LIN52: variants seen among roughly 807,000 people sequenced by gnomAD.
LIN52 encodes protein lin-52 homolog.
A neutral mutation model predicts 18.5 loss-of-function variants in LIN52; 4 were observed. That is an observed-to-expected ratio of 0.22 (90% CI 0.11 to 0.49). The LOEUF (loss-of-function observed/expected upper bound fraction) is 0.49. Ranked by LOEUF, LIN52 falls within the 20% of genes least tolerant of loss-of-function variation. LIN52 has a pLI of 0.97. For missense variants in LIN52, 102 were observed against 139.5 expected, an observed-to-expected ratio of 0.73 and a Z score of 1.35; for synonymous variants, 34 against 45.5, an observed-to-expected ratio of 0.75 and a Z score of 1.02.
At chr14:74,087,062 T>C (rs1020838095) in intron 1 of LIN52, among the ~76,000 whole-genome samples, 4 of 152,188 alleles carry the variant, frequency 2.6e-5, no homozygotes, top group Non-Finnish European at 5.9e-5. Context: ...TTGAGTTTGA[T>C]TTTTTTCCCC....
At chr14:74,085,195 T>C in intron 1 of LIN52, 1 of 417,858 alleles carries the variant, frequency 2.4e-6, no homozygotes, top group Non-Finnish European at 4.1e-6. Context: ...TTCCCCGCTC[T>C]GTACCAGGCG....
intron 5 of LIN52, among the ~76,000 whole-genome samples, chr14:74,147,127 G>A (rs747396563): frequency 5.3e-5 from 8 of 151,976 alleles, no homozygotes; most frequent in Admixed American, 1.3e-4. Flanking sequence ...GCATGACAAC[G>A]CACCCCTGTA....
intron 2 of LIN52, among the ~76,000 whole-genome samples, chr14:74,094,263 T>G (rs7147667): frequency 0.17 from 26,100 of 151,614 alleles, 2,741 homozygotes; most frequent in East Asian, 0.58. Flanking sequence ...TTGTAGTTTT[T>G]TTTTTTTTTT....
At chr14:74,128,185 C>G (rs2061038807) in intron 5 of LIN52, among the ~76,000 whole-genome samples, 1 of 152,102 alleles carries the variant, frequency 6.6e-6, no homozygotes, top group Non-Finnish European at 1.5e-5. Flanking sequence ...GAAAGAATTT[C>G]CAGGCTGTGG....
intron 5 of LIN52, among the ~76,000 whole-genome samples, chr14:74,126,240 G>A (rs568499626): frequency 1.3e-5 from 2 of 152,232 alleles, no homozygotes; most frequent in African/African-American, 4.8e-5. Flanking sequence ...AAAGTAACAG[G>A]TATTGGCAAG....
intron 5 of LIN52, among the ~76,000 whole-genome samples, chr14:74,143,125 A>T (rs771356638): frequency 3.2e-4 from 49 of 152,188 alleles, no homozygotes; most frequent in Non-Finnish European, 5.0e-4. Flanking sequence ...ATAGGAAAAT[A>T]GTTTATAGTA....
At position 74,095,985 on chromosome 14, in the gene LIN52, TGTAA is replaced by T; in HGVS notation, c.132+5_132+8del. 1 of 1,607,440 alleles carries T rather than the reference TGTAA, an allele frequency of 6.2e-7. No homozygotes were observed. The highest frequency in any genetic ancestry group is 8.5e-7 in the Non-Finnish European group (1 of 1,175,754). ...CTGAATTTGCAGCTTCCTTCAAAAG[TGTAA>T]GTAATATCCCTTACCTACTGAGGTC... On this transcript the variant is annotated splice_donor_variant and splice_donor_region_variant and intron_variant, in intron 3 of 5. Coordinates refer to ENST00000555028, the MANE Select transcript of LIN52 (RefSeq NM_001024674.3). LOFTEE classifies it high-confidence loss of function.
chr14:74,175,743 CACACACA>C lies in LIN52; in HGVS notation c.284-23178_284-23172del, dbSNP rs1566867471. Among the ~76,000 whole-genome samples, 63 of 142,512 alleles carry C rather than the reference CACACACA, an allele frequency of 4.4e-4. 1 individual carries two copies. The highest frequency in any genetic ancestry group is 7.5e-4 in the Admixed American group (11 of 14,608). The allele number at this position is 142,512 out of a possible 152,430, so 93.5% of individuals were successfully genotyped here. ...ACACACACACACACACACACACACACACACACACCCCCATTATACAGCTATACCAAAA... is the reference window on the plus strand; with the variant it reads ...ACACACACACACACACACACACACACCCCCCATTATACAGCTATACCAAAA... On this transcript the variant is annotated intron_variant, in intron 5 of 5. Coordinates refer to ENST00000555028, the MANE Select transcript of LIN52 (RefSeq NM_001024674.3).
In LIN52 at chr14:74,199,059, C is replaced by A; in HGVS notation, c.*82C>A. 2.0e-6 allele frequency: 2 copies of A among 1,003,902 alleles called. No individual in the cohort carries two copies. Among genetic ancestry groups the A allele is most frequent in the Non-Finnish European group, 3.2e-6 (2 of 634,722 alleles). The allele number at this position is 1,003,902 out of a possible 1,614,324, so 62.2% of individuals were successfully genotyped here. On this transcript the variant is annotated 3_prime_UTR_variant, in exon 6 of 6. Transcript: ENST00000555028. ...ACCTCTAACAATGCACACCTCACTGCTTGCTTGGGAGAGGCCAGAGGGTGT... is the reference window on the plus strand; with the variant it reads ...ACCTCTAACAATGCACACCTCACTGATTGCTTGGGAGAGGCCAGAGGGTGT...
intron 5 of LIN52, among the ~76,000 whole-genome samples, chr14:74,145,189 A>G (rs2061148477): frequency 6.6e-6 from 1 of 152,228 alleles, no homozygotes; most frequent in Non-Finnish European, 1.5e-5. Context: ...TTTCTCCATT[A>G]GAACGTTGAC....
chr14:74,133,474 G>GT (rs1303657021), intron 5 of LIN52, among the ~76,000 whole-genome samples: 12 of 152,160 alleles, frequency 7.9e-5, no homozygotes, highest in African/African-American at 2.9e-4. Context: ...TTGCTTTATT[G>GT]TAACAAGAGC....
chr14:74,092,409 G>A (rs2060778925), intron 2 of LIN52, among the ~76,000 whole-genome samples: 2 of 150,066 alleles, frequency 1.3e-5, no homozygotes, highest in Non-Finnish European at 3.0e-5. Flanking sequence ...AGGTTCAAGC[G>A]ATTCTCCTGC....
At chr14:74,165,513 C>CTTTTTTTTTTTTTTTTTTTTTTTTT (rs71460962) in intron 5 of LIN52, among the ~76,000 whole-genome samples, 2 of 110,224 alleles carry the variant, frequency 1.8e-5, no homozygotes, top group Non-Finnish European at 1.8e-5. Flanking sequence ...GTTTTCTTTT[C>CTTTTTTTTTTTTTTTTTTTTTTTTT]TTTTTTTTTT....
intron 2 of LIN52, among the ~76,000 whole-genome samples, chr14:74,094,544 GCA>G (rs1479831300): frequency 6.6e-6 from 1 of 152,046 alleles, no homozygotes; most frequent in East Asian, 1.9e-4. Context: ...CAGGTGTGAG[GCA>G]CTGTGCCTGG....
chr14:74,169,586 C>G (rs776196310), intron 5 of LIN52, among the ~76,000 whole-genome samples: 3 of 152,182 alleles, frequency 2.0e-5, no homozygotes, highest in Non-Finnish European at 4.4e-5. Context: ...CTCTACTTCT[C>G]TTAATTTATA....
intron 1 of LIN52, chr14:74,085,310 A>T (rs2060718580): frequency 3.6e-6 from 1 of 280,444 alleles, no homozygotes. Context: ...GTCGAGGAGG[A>T]GATGTTTCTG....
chr14:74,117,490 G>C (rs560508727), intron 5 of LIN52, among the ~76,000 whole-genome samples: 1 of 151,106 alleles, frequency 6.6e-6, no homozygotes, highest in Non-Finnish European at 1.5e-5. Flanking sequence ...TTGGCGGGGG[G>C]GCTTTGAAAG....
chr14:74,137,624 G>A (rs752826678), intron 5 of LIN52, among the ~76,000 whole-genome samples: 2 of 150,414 alleles, frequency 1.3e-5, no homozygotes, highest in East Asian at 2.0e-4. Context: ...TCAGCCTCCC[G>A]AGTAGCTGGG....
chr14:74,198,019 G>A (rs547137551), intron 5 of LIN52, among the ~76,000 whole-genome samples: 45 of 152,308 alleles, frequency 3.0e-4, no homozygotes, highest in Non-Finnish European at 5.0e-4. Flanking sequence ...CATGGTTCCA[G>A]AAGGCCTGGC....
Sources: allele counts gnomAD v4.1 joint callset (sites outside exome capture counted in the v4.1 genomes callset), GRCh38; gene constraint gnomAD v4.1.1; transcripts MANE v1.5; gene names NCBI Gene and HGNC (gene_info 2026-07-23, HGNC 2026-07-21).